Variants in MCCC1 observed in about 807,000 individuals in gnomAD.
MCCC1 encodes methylcrotonyl-CoA carboxylase subunit 1.
Under a neutral mutation model 83.8 loss-of-function variants are expected in MCCC1, and 64 were observed. The observed-to-expected ratio is 0.76, with a 90% CI of 0.62 to 0.94. MCCC1 has a LOEUF of 0.94. MCCC1 is among the 40% of genes least tolerant of loss of function. The pLI, the probability that MCCC1 is intolerant of heterozygous loss-of-function variation, is 0.00. For synonymous variants in MCCC1, 322 were observed against 315.4 expected, an observed-to-expected ratio of 1.02 and a Z score of -0.22; for missense variants, 807 against 904.7, an observed-to-expected ratio of 0.89 and a Z score of 1.39.
chr3:183,059,197 A>T lies in MCCC1; in HGVS notation c.762-1775T>A, dbSNP rs554496125. ...TGGCACACACCTGTAATCCCAGCTAATCAGGAGGCTGAGAGGCATGAGAAT... is the reference window on the plus strand; with the variant it reads ...TGGCACACACCTGTAATCCCAGCTATTCAGGAGGCTGAGAGGCATGAGAAT... On this transcript the variant is annotated intron_variant, in intron 7 of 18. Coordinates refer to ENST00000265594, the MANE Select transcript of MCCC1 (RefSeq NM_020166.5). Among the ~76,000 whole-genome samples, 9 of 152,216 alleles carry T rather than the reference A, an allele frequency of 5.9e-5. No homozygotes were observed. In the East Asian group the frequency reaches 1.7e-3, roughly 29 times the overall value.
intron 15 of MCCC1, 181 bp from the exon 16 acceptor site, chr3:183,022,735 C>T: frequency 1.8e-6 from 1 of 564,974 alleles, no homozygotes; most frequent in Non-Finnish European, 3.0e-6. Context: ...AGATACTTTA[C>T]ATAGAAATGA....
At position 183,017,253 on chromosome 3, in the gene MCCC1, A is replaced by G; in HGVS notation, c.2049+13T>C. ...CAAAGTCCTCATAGCAAATGAACTC[A>G]TGATTTCCTTACCTCCATCTTCATG... On this transcript the variant is annotated intron_variant, in intron 18 of 18. Coordinates refer to ENST00000265594, the MANE Select transcript of MCCC1 (RefSeq NM_020166.5). 1 of 1,612,834 alleles carries G rather than the reference A, an allele frequency of 6.2e-7. No homozygotes were observed. Among genetic ancestry groups the G allele is most frequent in the Non-Finnish European group, 8.5e-7 (1 of 1,179,368 alleles).
intron 7 of MCCC1, among the ~76,000 whole-genome samples, chr3:183,065,593 CG>C (rs1560251173): frequency 6.6e-6 from 1 of 150,966 alleles, no homozygotes; most frequent in Admixed American, 6.6e-5. Context: ...TTTTGAAATG[CG>C]TTTTTGGTAA....
chr3:183,113,461 T>G, intron 1 of MCCC1, among the ~76,000 whole-genome samples: 1 of 151,574 alleles, frequency 6.6e-6, no homozygotes, highest in Non-Finnish European at 1.5e-5. Context: ...ATATACCTAA[T>G]GTAAATGACG....
At chr3:183,100,905 A>G (rs1719212360), upstream of MCCC1, among the ~76,000 whole-genome samples, 1 of 152,198 alleles carries the variant, frequency 6.6e-6, no homozygotes, top group Admixed American at 6.5e-5. Flanking sequence ...AGGGAGAGAC[A>G]CGAGCGGGAA....
chr3:183,078,364 A>T (rs982292400), intron 4 of MCCC1, among the ~76,000 whole-genome samples: 3 of 152,202 alleles, frequency 2.0e-5, no homozygotes, highest in Non-Finnish European at 2.9e-5. Flanking sequence ...AAATAGTTAC[A>T]TAAGCTTTTC....
At chr3:183,049,516 G>C (rs1714798420) in intron 9 of MCCC1, among the ~76,000 whole-genome samples, 1 of 150,284 alleles carries the variant, frequency 6.7e-6, no homozygotes, top group East Asian at 1.9e-4. Context: ...AGGTTGCAGT[G>C]AGCCAAGATC....
At chr3:183,103,102 T>A (rs185684602), upstream of MCCC1, among the ~76,000 whole-genome samples, 1 of 152,104 alleles carries the variant, frequency 6.6e-6, no homozygotes, top group Admixed American at 6.6e-5. Flanking sequence ...TTCTGATGTT[T>A]GGATGTGTTC....
chr3:183,075,869 T>C (rs1470193488), intron 4 of MCCC1, among the ~76,000 whole-genome samples: 2 of 152,154 alleles, frequency 1.3e-5, no homozygotes, highest in East Asian at 3.8e-4. Context: ...ATGGGGTTGT[T>C]TTTCTCTTGC....
intron 13 of MCCC1, among the ~76,000 whole-genome samples, 175 bp from the exon 14 acceptor site, chr3:183,034,252 C>T (rs1431018289): frequency 5.3e-5 from 8 of 152,008 alleles, no homozygotes; most frequent in Admixed American, 2.6e-4. Context: ...AGATCGAGAC[C>T]ATCCTAGCTA....
intron 1 of MCCC1, among the ~76,000 whole-genome samples, chr3:183,107,509 T>TTTATTATTA (rs199825914): frequency 6.0e-5 from 9 of 150,686 alleles, no homozygotes; most frequent in African/African-American, 2.2e-4. Flanking sequence ...CTGTTTTGTT[T>TTTATTATTA]TTATTATTAT....
Position 183,022,414 on chromosome 3 carries a change from T to C in MCCC1, c.1869+3A>G. ...GAGGGATATTATAAAGAAGAGACAT[T>C]ACCTTGGAAAATAGGTAAATAGTGT... On this transcript the variant is annotated splice_donor_region_variant and intron_variant, in intron 16 of 18. Transcript: ENST00000265594. The C allele has an allele frequency of 1.2e-6, 2 of 1,614,056 alleles. No individual in the cohort carries two copies. The highest frequency in any genetic ancestry group is 1.7e-6 in the Non-Finnish European group (2 of 1,179,936).
intron 3 of MCCC1, 121 bp from the exon 4 acceptor site, chr3:183,086,909 G>A (rs1717935178): frequency 1.2e-6 from 1 of 866,560 alleles, no homozygotes; most frequent in African/African-American, 1.7e-5. Flanking sequence ...CTCAAGAACA[G>A]TGCAAGAATT....
intron 1 of MCCC1, among the ~76,000 whole-genome samples, chr3:183,109,717 T>C (rs1719464349): frequency 6.6e-6 from 1 of 152,202 alleles, no homozygotes; most frequent in African/African-American, 2.4e-5. Context: ...GATGAACATA[T>C]GAGTGTGTGT....
chr3:183,017,233 T>C, intron 18 of MCCC1, 33 bp downstream of exon 18: 17 of 1,588,566 alleles, frequency 1.1e-5, no homozygotes, highest in Non-Finnish European at 1.4e-5. Flanking sequence ...GCTCCCAAAG[T>C]CCTCATAGCA....
chr3:183,104,237 C>A (rs1429653642), upstream of MCCC1, among the ~76,000 whole-genome samples: 1 of 152,184 alleles, frequency 6.6e-6, no homozygotes, highest in African/African-American at 2.4e-5. Context: ...TGCCGCCAAA[C>A]TGGGAGCCCA....
At chr3:183,017,617 AATAT>A in intron 17 of MCCC1, 1 of 465,122 alleles carries the variant, frequency 2.1e-6, no homozygotes, top group Non-Finnish European at 3.9e-6. Context: ...CTACAGCCCA[AATAT>A]ACAGGTCAAA....
At chr3:183,054,972 C>T (rs1171494563) in intron 8 of MCCC1, among the ~76,000 whole-genome samples, 1 of 152,100 alleles carries the variant, frequency 6.6e-6, no homozygotes, top group African/African-American at 2.4e-5. Context: ...GTAGGCTTTG[C>T]TATTTAGGTT....
intron 3 of MCCC1, among the ~76,000 whole-genome samples, chr3:183,091,541 C>A (rs191402362): frequency 6.6e-6 from 1 of 152,070 alleles, no homozygotes; most frequent in South Asian, 2.1e-4. Flanking sequence ...ACACTCCAGC[C>A]TGGGCAACAG....
Sources: gnomAD v4.1 joint callset for allele counts (sites outside exome capture counted in the v4.1 genomes callset) on GRCh38, gnomAD v4.1.1 for gene constraint, MANE v1.5 for transcripts, NCBI Gene and HGNC (gene_info 2026-07-23, HGNC 2026-07-21) for gene names.